RPS6KA2: variants seen among roughly 807,000 people sequenced by gnomAD.
RPS6KA2 encodes ribosomal protein S6 kinase alpha-2.
In RPS6KA2, 42 loss-of-function variants were observed where a neutral mutation model predicts 91.8. That is an observed-to-expected ratio of 0.46 (90% CI 0.36 to 0.59). RPS6KA2 has a LOEUF of 0.59. Ranked by LOEUF, RPS6KA2 falls within the 20% of genes least tolerant of loss-of-function variation. RPS6KA2 has a pLI of 0.00. For missense variants in RPS6KA2, 798 were observed against 978.5 expected (o/e 0.82, Z 2.46); for synonymous variants, 414 against 393.6 (o/e 1.05, Z -0.61).
intron 2 of RPS6KA2, among the ~76,000 whole-genome samples, chr6:166,707,480 G>A (rs1381519536): frequency 6.6e-6 from 1 of 152,226 alleles, no homozygotes; most frequent in Non-Finnish European, 1.5e-5. Context: ...TGACTGGGTG[G>A]TGGGGAAGTG....
At chr6:166,577,792 C>T (rs1219065635) in intron 1 of RPS6KA2, among the ~76,000 whole-genome samples, 1 of 152,114 alleles carries the variant, frequency 6.6e-6, no homozygotes, top group South Asian at 2.1e-4. Context: ...AATGTGAGGA[C>T]ATGAAATTTG....
chr6:166,586,538 G>A (rs747166726), intron 1 of RPS6KA2: 23 of 1,498,578 alleles, frequency 1.5e-5, no homozygotes, highest in Non-Finnish European at 2.1e-5. Flanking sequence ...GTTTAAATCC[G>A]CCAAGGGCTA....
intron 2 of RPS6KA2, among the ~76,000 whole-genome samples, chr6:166,781,750 G>T (rs573861028): frequency 6.6e-6 from 1 of 152,292 alleles, no homozygotes; most frequent in South Asian, 2.1e-4. Flanking sequence ...GCAGAGACTT[G>T]CACCAGGAGC....
Position 166,418,125 on chromosome 6 carries a change from C to T in RPS6KA2, c.1938+100G>A. ...AAAAAATATGCTGAGGATAAAATAC[C>T]TATACTACTTACATAAAACCTATCC... On this transcript the variant is annotated intron_variant, in intron 19 of 20. Transcript: ENST00000265678. The surrounding 1 kb of genome is among the most constrained non-coding windows in gnomAD (Gnocchi z 4.9). The T allele has an allele frequency of 1.3e-6, 1 of 780,080 alleles. No homozygotes were observed. Among genetic ancestry groups the T allele is most frequent in the Non-Finnish European group, 2.2e-6 (1 of 464,976 alleles). The allele number at this position is 780,080 out of a possible 1,614,324, so 48.3% of individuals were successfully genotyped here.
At chr6:166,651,618 T>G (rs1050575114) in intron 2 of RPS6KA2, among the ~76,000 whole-genome samples, 5 of 152,262 alleles carry the variant, frequency 3.3e-5, no homozygotes, top group Non-Finnish European at 5.9e-5. Flanking sequence ...GAAGTGTTAG[T>G]GACATCCTTT....
chr6:166,608,691 A>G (rs1040994842), intron 1 of RPS6KA2, among the ~76,000 whole-genome samples: 1 of 152,246 alleles, frequency 6.6e-6, no homozygotes. Flanking sequence ...TGAGGCCTAC[A>G]GAATGGTCCC....
chr6:166,721,830 AGCCGGT>A (rs1562401069), intron 2 of RPS6KA2, among the ~76,000 whole-genome samples: 14 of 2,258 alleles, frequency 6.2e-3, no homozygotes, highest in East Asian at 0.077. Flanking sequence ...TCAGAGGAGG[AGCCGGT>A]GCCAGCTCAG....
chr6:166,703,984 A>C (rs1392353327), intron 2 of RPS6KA2, among the ~76,000 whole-genome samples: 1 of 152,234 alleles, frequency 6.6e-6, no homozygotes, highest in Non-Finnish European at 1.5e-5. Context: ...TGCTGTCTTC[A>C]GAAGAGCTTA....
intron 2 of RPS6KA2, among the ~76,000 whole-genome samples, chr6:166,678,381 G>A (rs1788677931): frequency 6.6e-6 from 1 of 152,156 alleles, no homozygotes; most frequent in Non-Finnish European, 1.5e-5. Flanking sequence ...TCCACAAGCC[G>A]CCCTGCAAGC....
chr6:166,787,098 T>C (rs9295371), intron 2 of RPS6KA2, among the ~76,000 whole-genome samples: 52,831 of 152,022 alleles, frequency 0.35, 9,888 homozygotes, highest in African/African-American at 0.47. Context: ...TTGCATAAAA[T>C]AAGATGTAAA....
intron 2 of RPS6KA2, among the ~76,000 whole-genome samples, chr6:166,771,511 G>A (rs1778471924): frequency 6.6e-6 from 1 of 152,178 alleles, no homozygotes. Context: ...CAGCAACGTG[G>A]TTTTAGGACT....
chr6:166,837,420 C>A (rs1190670132), intron 2 of RPS6KA2, among the ~76,000 whole-genome samples: 1 of 152,222 alleles, frequency 6.6e-6, no homozygotes, highest in Non-Finnish European at 1.5e-5. Context: ...CACCTCTTCC[C>A]CGAAGCAGGG....
Position 166,563,436 on chromosome 6 carries a change from C to A in RPS6KA2, c.100-24652G>T, listed in dbSNP as rs570713063. On this transcript the variant is annotated intron_variant, in intron 1 of 20. Coordinates refer to ENST00000265678, the MANE Select transcript of RPS6KA2 (RefSeq NM_021135.6). The surrounding 1 kb of genome is among the most constrained non-coding windows in gnomAD (Gnocchi z 4.1). ...CTCTTCCTGCACAGAACCGCCTCTT[C>A]CTTCCTCCTGGTGACAGATGCCCCC... Among the ~76,000 whole-genome samples the A allele has an allele frequency of 6.6e-6, 1 of 152,336 alleles. No individual in the cohort carries two copies. Among genetic ancestry groups the A allele is most frequent in the Admixed American group, 6.5e-5 (1 of 15,306 alleles).
chr6:166,475,469 T>C (rs1014497220), intron 10 of RPS6KA2, among the ~76,000 whole-genome samples: 6 of 152,168 alleles, frequency 3.9e-5, no homozygotes, highest in Non-Finnish European at 7.4e-5. Flanking sequence ...GCACGTGACG[T>C]TTCTTGGGCC....
chr6:166,790,682 A>G (rs1440139073), intron 2 of RPS6KA2, among the ~76,000 whole-genome samples: 3 of 152,278 alleles, frequency 2.0e-5, no homozygotes, highest in Non-Finnish European at 4.4e-5. Flanking sequence ...AAACTCTACA[A>G]GCCAGAGGAG....
Position 166,733,149 on chromosome 6 carries a change from G to C in RPS6KA2, c.123+125051C>G, listed in dbSNP as rs544132721. ...ATGCCAAACCATTGCACATCATTTT[G>C]AGCCTTCAGAACATGATATCAAATT... On this transcript the variant is annotated intron_variant, in intron 2 of 21. Transcript: ENST00000503859. The surrounding 1 kb of genome is among the most constrained non-coding windows in gnomAD (Gnocchi z 4.1). Among the ~76,000 whole-genome samples the C allele has an allele frequency of 6.6e-6, 1 of 152,254 alleles. No homozygotes were observed. Among genetic ancestry groups the C allele is most frequent in the African/African-American group, 2.4e-5 (1 of 41,548 alleles).
At chr6:166,681,907 C>T (rs1788828638) in intron 2 of RPS6KA2, among the ~76,000 whole-genome samples, 1 of 152,144 alleles carries the variant, frequency 6.6e-6, no homozygotes, top group East Asian at 1.9e-4. Flanking sequence ...TGATCGGCTC[C>T]TTCTGTGAGT....
In RPS6KA2 at chr6:166,701,463, G is replaced by A. The variant is rs375732454; in HGVS notation, c.123+156737C>T. 9 of 1,160,680 alleles carry A rather than the reference G, an allele frequency of 7.8e-6. No individual in the cohort carries two copies. In the East Asian group the frequency reaches 1.4e-4, roughly 18 times the overall value. 71.9% of individuals were successfully genotyped at this position (1,160,680 alleles called of 1,614,324 possible). A position where few individuals can be genotyped will look rare whatever the true frequency, so the allele number is the denominator to read the frequency against. Reference sequence around the variant, plus strand: ...TGAACCGAGCCTCTGGTGATCCAGCGATCATCACCATCCTCACCTTAGCAT... The same window carrying A: ...TGAACCGAGCCTCTGGTGATCCAGCAATCATCACCATCCTCACCTTAGCAT... On this transcript the variant is annotated intron_variant, in intron 2 of 21. Transcript: ENST00000503859.
Position 166,723,699 on chromosome 6 carries a change from C to CT in RPS6KA2, c.123+134500dup, listed in dbSNP as rs10637819. On this transcript the variant is annotated intron_variant, in intron 2 of 21. Transcript: ENST00000503859. The stretch of plus-strand genomic sequence containing the variant: ...AATTTCCTTTTTCTTTTTTTCTTTT[C>CT]TTTTCTTTTTTTTTTTTTTGAGATG... Among the ~76,000 whole-genome samples, 230 of 146,290 alleles carry CT rather than the reference C, an allele frequency of 1.6e-3. 3 individuals are homozygous for CT. Among genetic ancestry groups the CT allele is most frequent in the Middle Eastern group, 6.9e-3 (2 of 288 alleles).
Sources: allele counts gnomAD v4.1 joint callset (sites outside exome capture counted in the v4.1 genomes callset), GRCh38; gene constraint gnomAD v4.1.1; non-coding constraint Gnocchi (gnomAD v3.1); transcripts MANE v1.5; gene names NCBI Gene and HGNC (gene_info 2026-07-23, HGNC 2026-07-21).